ZNF654: variants seen among roughly 807,000 people sequenced by gnomAD.
The protein encoded by ZNF654 is melanoma-associated antigen.
A neutral mutation model predicts 95.3 loss-of-function variants in ZNF654; 19 were observed. That is an observed-to-expected ratio of 0.20 (90% confidence interval 0.14 to 0.29). The LOEUF (loss-of-function observed/expected upper bound fraction) is 0.29, where lower values mean the gene tolerates loss of function less well. Among genes scored for constraint, ZNF654 ranks in the 10% least tolerant of loss-of-function variants. The pLI is 1.00. For missense variants in ZNF654, 1,046 were observed against 1,341.0 expected (o/e 0.78, Z 3.44); for synonymous variants, 413 against 457.9 (o/e 0.90, Z 1.25).
chr3:88,125,509 C>G (rs1045903751), intron 3 of ZNF654, among the ~76,000 whole-genome samples: 3 of 56,048 alleles, frequency 5.4e-5, no homozygotes, highest in Non-Finnish European at 1.6e-4. Context: ...TATCTTAAAT[C>G]TAAAGCAAAG....
At chr3:88,070,463 C>T (rs537580170) in intron 1 of ZNF654, among the ~76,000 whole-genome samples, 2 of 149,688 alleles carry the variant, frequency 1.3e-5, no homozygotes, top group East Asian at 2.0e-4. Flanking sequence ...TTAAGAATTT[C>T]AAAACTTGCC....
chr3:88,101,877 TTTG>T (rs1476319059), intron 2 of ZNF654, among the ~76,000 whole-genome samples: 1 of 152,196 alleles, frequency 6.6e-6, no homozygotes, highest in Admixed American at 6.5e-5. Context: ...AGTATGTCAT[TTTG>T]TTTTTAATTT....
chr3:88,077,197 T>G (rs1397210520), intron 1 of ZNF654, among the ~76,000 whole-genome samples: 2 of 152,160 alleles, frequency 1.3e-5, no homozygotes, highest in Non-Finnish European at 2.9e-5. Context: ...GGAGGAGGAT[T>G]GTGAATGAAT....
At position 88,142,889 on chromosome 3, in the gene ZNF654, TAAAAC is replaced by T. The variant is rs909667345; in HGVS notation, c.*1240_*1244del. On this transcript the variant is annotated 3_prime_UTR_variant, in exon 9 of 9. Coordinates refer to ENST00000636215, the MANE Select transcript of ZNF654 (RefSeq NM_001350134.2). ...AGAAGATTTTAACTTAATAAAGTGT[TAAAAC>T]AATAAATATTTTTAAAAATACCCTC... The T allele has an allele frequency of 2.0e-5, 3 of 152,314 alleles. No individual in the cohort carries two copies. The highest frequency in any genetic ancestry group is 2.0e-4 in the Admixed American group (3 of 15,246). The allele number at this position is 152,314 out of a possible 1,614,324, so 9.4% of individuals were successfully genotyped here. A position where few individuals can be genotyped will look rare whatever the true frequency, so the allele number is the denominator to read the frequency against.
At chr3:88,121,990 C>G (rs1324761832) in intron 3 of ZNF654, among the ~76,000 whole-genome samples, 1 of 152,112 alleles carries the variant, frequency 6.6e-6, no homozygotes, top group East Asian at 1.9e-4. Context: ...CCCTTCCTGT[C>G]TGTTTGAAAA....
At chr3:88,063,507 ATTTC>A in intron 1 of ZNF654, among the ~76,000 whole-genome samples, 1 of 152,232 alleles carries the variant, frequency 6.6e-6, no homozygotes, top group East Asian at 1.9e-4. Context: ...AACAATCCTT[ATTTC>A]TTGGTCTTGA....
At chr3:88,112,089 T>G (rs970428647) in intron 2 of ZNF654, among the ~76,000 whole-genome samples, 1 of 151,872 alleles carries the variant, frequency 6.6e-6, no homozygotes, top group Non-Finnish European at 1.5e-5. Context: ...GGTTTTACGT[T>G]TTTTGGTCTG....
chr3:88,141,807 A>G lies in ZNF654; in HGVS notation c.*155A>G. 1.9e-6 allele frequency: 1 copy of G among 514,372 alleles called. No homozygotes were observed. The highest frequency in any genetic ancestry group is 3.3e-6 in the Non-Finnish European group (1 of 305,184). 31.9% of individuals were successfully genotyped at this position (514,372 alleles called of 1,614,324 possible). A position where few individuals can be genotyped will look rare whatever the true frequency, so the allele number is the denominator to read the frequency against. ...AGACAAAGCACATTTTCTAGAATGA[A>G]CTCACAGAGATGTGCTGGCTTAGAC... On this transcript the variant is annotated 3_prime_UTR_variant, in exon 9 of 9. Coordinates refer to ENST00000636215, the MANE Select transcript of ZNF654 (RefSeq NM_001350134.2).
intron 1 of ZNF654, among the ~76,000 whole-genome samples, chr3:88,082,386 A>G (rs983851417): frequency 6.6e-6 from 1 of 152,122 alleles, no homozygotes; most frequent in African/African-American, 2.4e-5. Context: ...TGGCCTCCCA[A>G]AGTGTTGGGA....
chr3:88,066,391 T>G (rs1156246724), intron 1 of ZNF654, among the ~76,000 whole-genome samples: 2 of 151,922 alleles, frequency 1.3e-5, no homozygotes, highest in Admixed American at 1.3e-4. Context: ...CTGGGCAACA[T>G]GGTGAAACCC....
intron 3 of ZNF654, among the ~76,000 whole-genome samples, chr3:88,124,900 C>T (rs539092876): frequency 1.4e-3 from 214 of 151,838 alleles, no homozygotes; most frequent in African/African-American, 5.0e-3. Context: ...TTGTCAAATT[C>T]GATTCTCTGA....
At chr3:88,141,497 T>A in intron 8 of ZNF654, 148 bp from the exon 9 acceptor site, 1 of 527,752 alleles carries the variant, frequency 1.9e-6, no homozygotes, top group Non-Finnish European at 3.1e-6. Context: ...AGAAAATAAT[T>A]GAGAAACAAA....
chr3:88,066,587 A>AC (rs200567944), intron 1 of ZNF654, among the ~76,000 whole-genome samples: 180 of 151,386 alleles, frequency 1.2e-3, no homozygotes, highest in South Asian at 2.3e-3. Flanking sequence ...AACAAAAAAA[A>AC]CAAAAAAACC....
chr3:88,132,179 TAGGC>T (rs1395133489), intron 6 of ZNF654, among the ~76,000 whole-genome samples: 1 of 152,126 alleles, frequency 6.6e-6, no homozygotes, highest in Non-Finnish European at 1.5e-5. Context: ...GATTCAAACT[TAGGC>T]AGTCTTCCAG....
chr3:88,060,524 T>C (rs1454451442), intron 1 of ZNF654, among the ~76,000 whole-genome samples: 2 of 152,168 alleles, frequency 1.3e-5, no homozygotes, highest in Admixed American at 6.5e-5. Context: ...CCTTTTAAAA[T>C]GCGTCCATTA....
chr3:88,082,074 T>G (rs1708105027), intron 1 of ZNF654, among the ~76,000 whole-genome samples: 1 of 152,164 alleles, frequency 6.6e-6, no homozygotes. Flanking sequence ...ACAGCCATTC[T>G]TTGACGCCCC....
At chr3:88,063,246 G>A (rs773045691) in intron 1 of ZNF654, among the ~76,000 whole-genome samples, 1 of 152,158 alleles carries the variant, frequency 6.6e-6, no homozygotes, top group Non-Finnish European at 1.5e-5. Flanking sequence ...CAGTAATGCC[G>A]AGGTTGAGAA....
intron 3 of ZNF654, among the ~76,000 whole-genome samples, chr3:88,114,320 A>G (rs767601332): frequency 6.6e-6 from 1 of 152,202 alleles, no homozygotes; most frequent in Non-Finnish European, 1.5e-5. Context: ...TTGGCTGACC[A>G]CTGATAATGG....
chr3:88,090,960 C>T (rs1297842746), intron 2 of ZNF654, among the ~76,000 whole-genome samples: 2 of 152,148 alleles, frequency 1.3e-5, no homozygotes, highest in Non-Finnish European at 2.9e-5. Flanking sequence ...ATGCAGGCTG[C>T]GAGTTGGACA....
Sources: allele counts gnomAD v4.1 joint callset (sites outside exome capture counted in the v4.1 genomes callset), GRCh38; gene constraint gnomAD v4.1.1; transcripts MANE v1.5; gene names NCBI Gene and HGNC (gene_info 2026-07-23, HGNC 2026-07-21).